The following SGCZ variants were observed in gnomAD, a reference collection of about 807,000 sequenced individuals.
SGCZ encodes the protein sarcoglycan zeta, also known as zeta-sarcoglycan.
Under a neutral mutation model 41.3 loss-of-function variants are expected in SGCZ, and 40 were observed. The observed-to-expected ratio is 0.97, with a 90% confidence interval of 0.75 to 1.26. The LOEUF is 1.26. SGCZ is among the 50% of genes most tolerant of loss of function. The pLI is 0.00. For missense variants in SGCZ, 552 were observed against 369.8 expected (o/e 1.49, Z -4.04); for synonymous variants, 206 against 137.5 (o/e 1.50, Z -3.49).
chr8:14,788,214 A>C (rs1800834473), intron 1 of SGCZ, among the ~76,000 whole-genome samples: 1 of 152,182 alleles, frequency 6.6e-6, no homozygotes, highest in South Asian at 2.1e-4. Flanking sequence ...CAAGGTCTCT[A>C]GAATAAAGCA....
intron 1 of SGCZ, among the ~76,000 whole-genome samples, chr8:14,572,279 G>T (rs908856458): frequency 2.6e-5 from 4 of 152,078 alleles, no homozygotes; most frequent in Non-Finnish European, 5.9e-5. Flanking sequence ...AAAGTGAAAT[G>T]AAGTAATTTA....
intron 1 of SGCZ, among the ~76,000 whole-genome samples, chr8:14,818,459 C>G (rs1801972117): frequency 6.6e-6 from 1 of 152,026 alleles, no homozygotes; most frequent in Non-Finnish European, 1.5e-5. Context: ...CACCAAAGAA[C>G]CCATCCATAG....
chr8:14,279,829 T>G (rs1271227644), intron 3 of SGCZ, among the ~76,000 whole-genome samples: 1 of 148,238 alleles, frequency 6.7e-6, no homozygotes, highest in Non-Finnish European at 1.5e-5. Flanking sequence ...TCCTCATGCT[T>G]CATGCTCCAT....
intron 4 of SGCZ, among the ~76,000 whole-genome samples, chr8:14,199,961 G>A (rs561869355): frequency 1.2e-4 from 19 of 152,240 alleles, no homozygotes; most frequent in African/African-American, 4.3e-4. Context: ...TACAGCCATA[G>A]TGTGTGATAA....
At chr8:14,497,175 A>G (rs1356720848) in intron 2 of SGCZ, among the ~76,000 whole-genome samples, 1 of 152,140 alleles carries the variant, frequency 6.6e-6, no homozygotes, top group African/African-American at 2.4e-5. Context: ...AGGCTGGGTA[A>G]TTTATTTTTT....
At chr8:14,436,784 C>T (rs1217477975) in intron 2 of SGCZ, among the ~76,000 whole-genome samples, 1 of 152,140 alleles carries the variant, frequency 6.6e-6, no homozygotes, top group African/African-American at 2.4e-5. Flanking sequence ...TGCTTTAGTA[C>T]ATTGGTGGTT....
chr8:15,102,764 C>T (rs1806664238), intron 1 of SGCZ, among the ~76,000 whole-genome samples: 1 of 152,112 alleles, frequency 6.6e-6, no homozygotes, highest in African/African-American at 2.4e-5. Context: ...ATTATTAAAA[C>T]TTTCATTAAA....
At chr8:14,668,628 A>C (rs1807991866) in intron 1 of SGCZ, among the ~76,000 whole-genome samples, 1 of 152,174 alleles carries the variant, frequency 6.6e-6, no homozygotes, top group South Asian at 2.1e-4. Flanking sequence ...TTTGTCCAAA[A>C]GCAATAAATT....
intron 1 of SGCZ, among the ~76,000 whole-genome samples, chr8:14,696,465 A>G (rs1333693618): frequency 6.6e-6 from 1 of 152,128 alleles, no homozygotes; most frequent in Non-Finnish European, 1.5e-5. Context: ...GTTCTTACAC[A>G]TCCATGGAAA....
chr8:14,379,154 T>C (rs1299942756), intron 2 of SGCZ, among the ~76,000 whole-genome samples: 2 of 152,168 alleles, frequency 1.3e-5, no homozygotes, highest in Non-Finnish European at 2.9e-5. Flanking sequence ...TCCATTAGAA[T>C]CTTAACTGCA....
At chr8:14,786,079 T>A (rs1400682600) in intron 1 of SGCZ, among the ~76,000 whole-genome samples, 4 of 135,754 alleles carry the variant, frequency 2.9e-5, no homozygotes, top group African/African-American at 1.4e-4. Flanking sequence ...ATCAAGTAAG[T>A]GGTATACTGA....
intron 3 of SGCZ, among the ~76,000 whole-genome samples, chr8:14,247,681 A>G (rs1356155496): frequency 6.6e-6 from 1 of 152,122 alleles, no homozygotes; most frequent in Non-Finnish European, 1.5e-5. Context: ...TAGCACTTCT[A>G]TGTTGGGTTG....
chr8:14,153,921 T>C (rs148696738), intron 5 of SGCZ, among the ~76,000 whole-genome samples: 1 of 117,100 alleles, frequency 8.5e-6, no homozygotes, highest in Non-Finnish European at 1.6e-5. Flanking sequence ...TCTCTCTCTC[T>C]CTCACACACA....
chr8:14,946,378 C>T (rs1435443786), intron 1 of SGCZ, among the ~76,000 whole-genome samples: 1 of 151,844 alleles, frequency 6.6e-6, no homozygotes, highest in African/African-American at 2.4e-5. Context: ...CGCTGCTCTC[C>T]GCAGTCCCAA....
chr8:14,574,054 T>C (rs1410402002), intron 1 of SGCZ, among the ~76,000 whole-genome samples: 1 of 152,156 alleles, frequency 6.6e-6, no homozygotes, highest in African/African-American at 2.4e-5. Context: ...CCAAACACTG[T>C]TGATAATCTC....
chr8:14,256,871 A>G (rs908818250), intron 3 of SGCZ, among the ~76,000 whole-genome samples: 1 of 152,192 alleles, frequency 6.6e-6, no homozygotes, highest in Admixed American at 6.5e-5. Context: ...TTATTTATAG[A>G]CCATTGTTTA....
At chr8:14,135,293 A>C (rs1803162307) in intron 5 of SGCZ, among the ~76,000 whole-genome samples, 1 of 152,188 alleles carries the variant, frequency 6.6e-6, no homozygotes, top group Non-Finnish European at 1.5e-5. Flanking sequence ...TTTCTCCTTC[A>C]CTATCTCTTC....
intron 1 of SGCZ, among the ~76,000 whole-genome samples, chr8:15,123,105 C>G (rs182047028): frequency 7.2e-5 from 11 of 152,284 alleles, no homozygotes; most frequent in Non-Finnish European, 1.5e-4. Flanking sequence ...CTTTAATGCT[C>G]TTCTGCTGTT....
At chr8:14,481,944 G>A (rs1209420809) in intron 2 of SGCZ, among the ~76,000 whole-genome samples, 5 of 152,256 alleles carry the variant, frequency 3.3e-5, no homozygotes, top group African/African-American at 9.6e-5. Context: ...ATCTACAATA[G>A]CCCCTGATTT....
Sources: gnomAD v4.1 joint callset for allele counts (sites outside exome capture counted in the v4.1 genomes callset) on GRCh38, gnomAD v4.1.1 for gene constraint, MANE v1.5 for transcripts, NCBI Gene and HGNC (gene_info 2026-07-23, HGNC 2026-07-21) for gene names.